Variants in DYNC1H1 observed in about 807,000 individuals in gnomAD.
The protein encoded by DYNC1H1 is cytoplasmic dynein 1 heavy chain 1.
A neutral mutation model predicts 527.1 loss-of-function variants in DYNC1H1; 51 were observed. The observed-to-expected ratio is 0.10, with a 90% CI of 0.08 to 0.12. The LOEUF is 0.12. Ranked by LOEUF, DYNC1H1 falls within the 10% of genes least tolerant of loss-of-function variation. DYNC1H1 has a pLI of 1.00. For synonymous variants in DYNC1H1, 2,189 were observed against 2,278.8 expected, an observed-to-expected ratio of 0.96 and a Z score of 1.12; for missense variants, 2,771 against 5,971.8, an observed-to-expected ratio of 0.46 and a Z score of 17.66.
At chr14:102,048,990 C>T (rs1306788207) in intron 74 of DYNC1H1, 9 of 442,524 alleles carry the variant, frequency 2.0e-5, no homozygotes, top group Admixed American at 3.5e-5. Flanking sequence ...TAGTAGGTTA[C>T]GGCCTGTGAA....
chr14:101,966,779 A>G (rs2047672979), intron 1 of DYNC1H1, among the ~76,000 whole-genome samples: 1 of 152,104 alleles, frequency 6.6e-6, no homozygotes, highest in Non-Finnish European at 1.5e-5. Flanking sequence ...ATCACCAGTA[A>G]TTCGCTTTTT....
Position 102,044,127 on chromosome 14 carries a change from T to A in DYNC1H1, c.12684+82T>A. 1 of 1,594,610 alleles carries A rather than the reference T, an allele frequency of 6.3e-7. No homozygotes were observed. Among genetic ancestry groups the A allele is most frequent in the Non-Finnish European group, 8.5e-7 (1 of 1,174,178 alleles). Reference sequence around the variant, plus strand: ...AGGGCGTGGTGCTGAGAGGCCAGACTCTGCGTGGAAGAGCGAGCTGACCCC... The same window carrying A: ...AGGGCGTGGTGCTGAGAGGCCAGACACTGCGTGGAAGAGCGAGCTGACCCC... On this transcript the variant is annotated intron_variant, in intron 70 of 77. Coordinates refer to ENST00000360184, the MANE Select transcript of DYNC1H1 (RefSeq NM_001376.5). The surrounding 1 kb of genome is among the most constrained non-coding windows in gnomAD (Gnocchi z 7.1).
intron 43 of DYNC1H1, among the ~76,000 whole-genome samples, chr14:102,024,395 A>C (rs777183845): frequency 6.6e-6 from 1 of 152,182 alleles, no homozygotes; most frequent in Non-Finnish European, 1.5e-5. Flanking sequence ...AGTGGAGGAA[A>C]GAGCAGGACA....
chr14:102,028,293 C>G (rs1595623694), intron 48 of DYNC1H1, 152 bp downstream of exon 48: 21 of 889,580 alleles, frequency 2.4e-5, no homozygotes, highest in Non-Finnish European at 3.7e-5. Flanking sequence ...GGGAGGATCA[C>G]TTGAACCCAG....
At chr14:101,989,121 A>G (rs957489863) in intron 10 of DYNC1H1, among the ~76,000 whole-genome samples, 6 of 152,202 alleles carry the variant, frequency 3.9e-5, no homozygotes, top group Admixed American at 1.3e-4. Context: ...CTGGTGGAGG[A>G]TATGTGGAAA....
intron 11 of DYNC1H1, among the ~76,000 whole-genome samples, chr14:101,992,707 G>A (rs751246105): frequency 2.6e-4 from 40 of 152,018 alleles, no homozygotes; most frequent in Non-Finnish European, 4.9e-4. Flanking sequence ...CTGTGTGATC[G>A]CCCATAGCCC....
rs2048580764 is a variant in DYNC1H1, at chr14:102,036,806, T to C, written c.10908+164T>C. The C allele has an allele frequency of 9.7e-7, 1 of 1,031,726 alleles. No homozygotes were observed. Among genetic ancestry groups the C allele is most frequent in the Admixed American group, 2.0e-5 (1 of 49,876 alleles). The allele number at this position is 1,031,726 out of a possible 1,614,324, so 63.9% of individuals were successfully genotyped here. ...AAATTCAACAGAATCATTATTTGCATTTAAAATTCTATTCAGTGGTCGGGC... is the reference window on the plus strand; with the variant it reads ...AAATTCAACAGAATCATTATTTGCACTTAAAATTCTATTCAGTGGTCGGGC... On this transcript the variant is annotated intron_variant, in intron 57 of 77. Transcript: ENST00000360184. The surrounding 1 kb of genome is among the most constrained non-coding windows in gnomAD (Gnocchi z 5.6).
At position 102,029,728 on chromosome 14, in the gene DYNC1H1, A is replaced by G; in HGVS notation, c.9642+16A>G. The G allele has an allele frequency of 6.2e-7, 1 of 1,614,204 alleles. No homozygotes were observed. Among genetic ancestry groups the G allele is most frequent in the Non-Finnish European group, 8.5e-7 (1 of 1,180,038 alleles). ...AGTCGACCAGGTGCGTCACAGGCAC[A>G]AATTCCTCACGGGAGTGAGCTGCAG... On this transcript the variant is annotated intron_variant, in intron 49 of 77. Transcript: ENST00000360184. The surrounding 1 kb of genome is among the most constrained non-coding windows in gnomAD (Gnocchi z 5.3).
chr14:102,050,158 G>A lies in DYNC1H1; in HGVS notation c.13772G>A (p.Arg4591His), dbSNP rs544530887. 1.1e-5 allele frequency: 18 copies of A among 1,613,888 alleles called. No homozygotes were observed. Among genetic ancestry groups the A allele is most frequent in the East Asian group, 2.2e-5 (1 of 44,876 alleles). ...ISTALPLTQL[R>H]WVKQTNTEKK... Reference sequence around the variant, plus strand: ...ACCGCCCTTCCCCTGACGCAGCTGCGCTGGGTCAAGCAGACAAACACCGAG... The same window carrying A: ...ACCGCCCTTCCCCTGACGCAGCTGCACTGGGTCAAGCAGACAAACACCGAG... Residue 4591 changes from arginine to histidine, a missense_variant, in exon 77 of 78, where the codon CGC becomes CAC. This residue lies in a region of DYNC1H1 where 106 missense variants were observed against 139.2 expected (regional missense o/e 0.76). Coordinates refer to ENST00000360184, the MANE Select transcript of DYNC1H1 (RefSeq NM_001376.5).
Position 102,036,481 on chromosome 14 carries a change from A to T in DYNC1H1, c.10755-8A>T. 2 of 1,613,448 alleles carry T rather than the reference A, an allele frequency of 1.2e-6. No homozygotes were observed. Among genetic ancestry groups the T allele is most frequent in the Non-Finnish European group, 1.7e-6 (2 of 1,179,872 alleles). On this transcript the variant is annotated splice_polypyrimidine_tract_variant and splice_region_variant and intron_variant, in intron 56 of 77. Transcript: ENST00000360184. This position sits in a 1 kb window ranked among gnomAD's most constrained non-coding sequence, Gnocchi z 5.6. Reference sequence around the variant, plus strand: ...TTTCAACCTTCTCTTCTGTGGCCTCATCCTCAGGTATCCGCTGATCATTGA... The same window carrying T: ...TTTCAACCTTCTCTTCTGTGGCCTCTTCCTCAGGTATCCGCTGATCATTGA...
In DYNC1H1 at chr14:102,041,304, G is replaced by A. The variant is rs1011172139; in HGVS notation, c.11942-270G>A. On this transcript the variant is annotated intron_variant, in intron 64 of 77. Transcript: ENST00000360184. This position sits in a 1 kb window ranked among gnomAD's most constrained non-coding sequence, Gnocchi z 4.5. Reference sequence around the variant, plus strand: ...TCCTGAGTACCTTCAGGTGTTCTCAGGAAGTGAGCAGGTATTAGTTTAGTA... The same window carrying A: ...TCCTGAGTACCTTCAGGTGTTCTCAAGAAGTGAGCAGGTATTAGTTTAGTA... 2.0e-6 allele frequency: 1 copy of A among 504,620 alleles called. No individual in the cohort carries two copies. Among genetic ancestry groups the A allele is most frequent in the Non-Finnish European group, 3.6e-6 (1 of 276,186 alleles). 31.3% of individuals were successfully genotyped at this position (504,620 alleles called of 1,614,324 possible).
rs763121294 is a variant in DYNC1H1 at position 102,039,515 on chromosome 14, G to A, written c.11564G>A (p.Arg3855His). The A allele has an allele frequency of 1.9e-6, 3 of 1,614,070 alleles. No homozygotes were observed. The highest frequency in any genetic ancestry group is 1.7e-6 in the Non-Finnish European group (2 of 1,180,052). The change falls in exon 61 of 78, where the codon CGC becomes CAC. Residue 3855 changes from arginine to histidine, a missense_variant. Transcript: ENST00000360184. This position sits in a 1 kb window ranked among gnomAD's most constrained non-coding sequence, Gnocchi z 7.0. ...NLKGVTDHTQRLSIITKDLFQ... is the reference protein window; with the variant it reads ...NLKGVTDHTQHLSIITKDLFQ... ...AAGGGTGTCACCGACCACACACAGC[G>A]CCTGTCCATTATAACAAAGGACCTC...
chr14:101,988,470 T>C (rs983687261), intron 9 of DYNC1H1, among the ~76,000 whole-genome samples: 1 of 152,036 alleles, frequency 6.6e-6, no homozygotes, highest in Non-Finnish European at 1.5e-5. Flanking sequence ...ATAGCAGAGG[T>C]TACAGGTTGT....
At position 102,002,723 on chromosome 14, in the gene DYNC1H1, A is replaced by G. The variant is rs746985854; in HGVS notation, c.4709+20A>G. 1.9e-6 allele frequency: 3 copies of G among 1,614,240 alleles called. No homozygotes were observed. The highest frequency in any genetic ancestry group is 2.5e-6 in the Non-Finnish European group (3 of 1,180,040). ...TCAGAGGTATGGCCTCCAGCCAGAG[A>G]GCCAAATTTGCCAGCGGCTAGTGAC... On this transcript the variant is annotated intron_variant, in intron 22 of 77. Transcript: ENST00000360184. The surrounding 1 kb of genome is among the most constrained non-coding windows in gnomAD (Gnocchi z 4.4).
Position 101,979,439 on chromosome 14 carries a change from T to C in DYNC1H1, c.465T>C (p.Asn155=). The part of the protein sequence containing the change: ...PYETLHSFIS[N]AVAPFFKSYI... ...AAACTTTGCATTCTTTCATTAGCAA[T>C]GCAGTGGCTCCTTTTTTTAAGTCCT... Residue 155 remains asparagine (N), a synonymous_variant, in exon 3 of 78, where the codon AAT becomes AAC. Transcript: ENST00000360184. The surrounding 1 kb of genome is among the most constrained non-coding windows in gnomAD (Gnocchi z 4.6). 6.2e-6 allele frequency: 10 copies of C among 1,614,224 alleles called. No individual in the cohort carries two copies. The highest frequency in any genetic ancestry group is 7.6e-6 in the Non-Finnish European group (9 of 1,180,040).
chr14:102,013,660 A>G (rs907194704), intron 34 of DYNC1H1, among the ~76,000 whole-genome samples: 1 of 152,118 alleles, frequency 6.6e-6, no homozygotes, highest in Non-Finnish European at 1.5e-5. Context: ...GAGTTTGTAC[A>G]CTGGGCAAGC....
chr14:102,035,635 C>T (rs959218570), intron 56 of DYNC1H1: 3 of 152,248 alleles, frequency 2.0e-5, no homozygotes, highest in East Asian at 1.9e-4. Context: ...GGGCCCACCA[C>T]GCCGTGGTGC....
chr14:101,991,562 A>C lies in DYNC1H1; in HGVS notation c.2904A>C (p.Val968=), dbSNP rs2047998567. The C allele has an allele frequency of 6.2e-7, 1 of 1,614,148 alleles. No individual in the cohort carries two copies. The highest frequency in any genetic ancestry group is 1.3e-5 in the African/African-American group (1 of 74,946). The change falls in exon 11 of 78, where the codon GTA becomes GTC. Residue 968 remains valine, a synonymous_variant. Transcript: ENST00000360184. ...VVHELRITNQ[V]IYLNPPIEEC... ...ATGAGCTAAGAATAACCAATCAGGT[A>C]ATCTACTTGAATCCACCAATTGAAG...
intron 1 of DYNC1H1, among the ~76,000 whole-genome samples, chr14:101,974,136 G>A (rs555491228): frequency 2.8e-4 from 43 of 152,174 alleles, no homozygotes; most frequent in African/African-American, 1.0e-3. Context: ...TTTCACTCTT[G>A]TTGCCCAGGC....
Sources: gnomAD v4.1 joint callset for allele counts (sites outside exome capture counted in the v4.1 genomes callset) on GRCh38, gnomAD v4.1.1 for gene constraint, gnomAD v4.1.1 regional missense constraint, Gnocchi (gnomAD v3.1) non-coding constraint, MANE v1.5 for transcripts, NCBI Gene and HGNC (gene_info 2026-07-23, HGNC 2026-07-21) for gene names.